RSRC1: variants seen among roughly 807,000 people sequenced by gnomAD.
RSRC1 encodes the protein arginine and serine rich coiled-coil 1, also known as serine/Arginine-related protein 53.
In RSRC1, 39 loss-of-function variants were observed where a neutral mutation model predicts 49.1. The observed-to-expected ratio is 0.79, with a 90% confidence interval of 0.61 to 1.04. RSRC1 has a LOEUF of 1.04. RSRC1 is among the 50% of genes least tolerant of loss of function. The probability of loss-of-function intolerance (pLI) is 0.00; values close to 1 mark genes in which losing one functional copy is unlikely to be tolerated. For missense variants in RSRC1, 388 were observed against 402.4 expected (o/e 0.96, Z 0.31); for synonymous variants, 143 against 130.8 (o/e 1.09, Z -0.63).
intron 6 of RSRC1, among the ~76,000 whole-genome samples, chr3:158,368,142 G>C (rs776195984): frequency 2.0e-5 from 3 of 152,202 alleles, no homozygotes; most frequent in Non-Finnish European, 2.9e-5. Context: ...TTTTGAGAGG[G>C]TGATATGTTT....
chr3:158,146,650 A>C (rs889805020), intron 3 of RSRC1, among the ~76,000 whole-genome samples: 5 of 152,154 alleles, frequency 3.3e-5, no homozygotes, highest in African/African-American at 1.2e-4. Flanking sequence ...TCATAAAATG[A>C]GTTAGGCAGG....
rs148890210 is a variant in RSRC1, at chr3:158,280,925, G to A, written c.495-17114G>A. The stretch of plus-strand genomic sequence containing the variant: ...GCCTCCCAAAGTGCTGGGATTACAG[G>A]CATGAGCCACCGCGCCTGGCCCAAA... On this transcript the variant is annotated intron_variant, in intron 4 of 9. Coordinates refer to ENST00000611884, the MANE Select transcript of RSRC1 (RefSeq NM_001271838.2). Among the ~76,000 whole-genome samples, 1,264 of 152,196 alleles carry A rather than the reference G, an allele frequency of 8.3e-3. 19 individuals carry two copies. Among genetic ancestry groups the A allele is most frequent in the African/African-American group, 0.03 (1,230 of 41,522 alleles).
chr3:158,510,781 G>C (rs1486909578), intron 7 of RSRC1, among the ~76,000 whole-genome samples: 1 of 152,044 alleles, frequency 6.6e-6, no homozygotes, highest in Middle Eastern at 3.2e-3. Flanking sequence ...TGATTATTAA[G>C]TCTTCATATC....
At chr3:158,145,181 G>C (rs374259547) in intron 3 of RSRC1, among the ~76,000 whole-genome samples, 3 of 152,260 alleles carry the variant, frequency 2.0e-5, no homozygotes, top group South Asian at 2.1e-4. Flanking sequence ...ATTGCTTTTG[G>C]TGTTTTAGAC....
chr3:158,477,798 TTATA>T (rs67839411), intron 7 of RSRC1, among the ~76,000 whole-genome samples: 71 of 89,662 alleles, frequency 7.9e-4, no homozygotes, highest in East Asian at 3.1e-3. Flanking sequence ...CGGGAGGGAT[TTATA>T]TATATATATA....
At chr3:158,523,623 C>T (rs988877635) in intron 7 of RSRC1, among the ~76,000 whole-genome samples, 2 of 151,948 alleles carry the variant, frequency 1.3e-5, no homozygotes, top group Non-Finnish European at 2.9e-5. Flanking sequence ...GTCTTTTTTA[C>T]ATTATTAACT....
intron 6 of RSRC1, among the ~76,000 whole-genome samples, chr3:158,421,726 C>A (rs1300090235): frequency 2.0e-5 from 3 of 151,680 alleles, no homozygotes; most frequent in Non-Finnish European, 4.4e-5. Flanking sequence ...GAAATAGAAA[C>A]CATCATGTAC....
chr3:158,163,717 G>A (rs745498462), intron 3 of RSRC1, among the ~76,000 whole-genome samples: 2 of 151,252 alleles, frequency 1.3e-5, no homozygotes, highest in East Asian at 2.0e-4. Context: ...GATAATTATG[G>A]CCAAAATCAA....
intron 6 of RSRC1, among the ~76,000 whole-genome samples, chr3:158,411,511 T>TC (rs1284324014): frequency 5.6e-5 from 2 of 35,750 alleles, no homozygotes; most frequent in African/African-American, 2.9e-4. Flanking sequence ...CTACTTTCTC[T>TC]TTTTTTTTTG....
chr3:158,374,657 G>T (rs563778537), intron 6 of RSRC1, among the ~76,000 whole-genome samples: 36 of 152,176 alleles, frequency 2.4e-4, no homozygotes, highest in African/African-American at 8.4e-4. Flanking sequence ...GTCATCAAAT[G>T]CTATCTGATT....
intron 6 of RSRC1, among the ~76,000 whole-genome samples, chr3:158,364,632 T>TATTTATAAAC (rs1472065929): frequency 6.6e-6 from 1 of 152,028 alleles, no homozygotes; most frequent in Admixed American, 6.6e-5. Flanking sequence ...CTTAGAGCAG[T>TATTTATAAAC]ACCTGATACA....
chr3:158,306,406 G>A (rs1374024865), intron 5 of RSRC1, among the ~76,000 whole-genome samples: 1 of 151,794 alleles, frequency 6.6e-6, no homozygotes, highest in African/African-American at 2.4e-5. Context: ...CTGGAATTCT[G>A]TCAAAATCTG....
intron 5 of RSRC1, among the ~76,000 whole-genome samples, chr3:158,330,981 T>C (rs7621889): frequency 0.33 from 50,133 of 151,692 alleles, 8,424 homozygotes; most frequent in South Asian, 0.41. Context: ...AGCAAAGTCA[T>C]GTCTCACATG....
At chr3:158,173,671 G>T (rs1057248833) in intron 3 of RSRC1, among the ~76,000 whole-genome samples, 1 of 151,878 alleles carries the variant, frequency 6.6e-6, no homozygotes, top group Admixed American at 6.6e-5. Context: ...AATGTTCTCA[G>T]CAGCATTATT....
At chr3:158,293,542 A>G (rs943937224) in intron 4 of RSRC1, among the ~76,000 whole-genome samples, 4 of 152,036 alleles carry the variant, frequency 2.6e-5, no homozygotes, top group Non-Finnish European at 5.9e-5. Context: ...CCAGATGATT[A>G]TGGGTGAACT....
At chr3:158,420,485 G>T (rs1479700393) in intron 6 of RSRC1, among the ~76,000 whole-genome samples, 3 of 151,878 alleles carry the variant, frequency 2.0e-5, no homozygotes, top group Non-Finnish European at 4.4e-5. Flanking sequence ...CTTGGTTCCT[G>T]GACCGGTTCT....
chr3:158,207,109 A>G (rs140976237), intron 4 of RSRC1, among the ~76,000 whole-genome samples: 2 of 152,270 alleles, frequency 1.3e-5, no homozygotes, highest in Non-Finnish European at 2.9e-5. Flanking sequence ...TTCTAATTCA[A>G]ATGGACTGAC....
chr3:158,437,263 T>A (rs1275955800), intron 6 of RSRC1, among the ~76,000 whole-genome samples: 1 of 152,108 alleles, frequency 6.6e-6, no homozygotes, highest in Admixed American at 6.6e-5. Flanking sequence ...TTTTCACCTA[T>A]TATAGCTTAT....
intron 1 of RSRC1, among the ~76,000 whole-genome samples, chr3:158,117,265 A>G (rs564883365): frequency 3.9e-5 from 6 of 152,266 alleles, no homozygotes; most frequent in Admixed American, 2.6e-4. Flanking sequence ...TTTTAGAAAA[A>G]TCATTGTCCC....
Sources: allele counts gnomAD v4.1 joint callset (sites outside exome capture counted in the v4.1 genomes callset), GRCh38; gene constraint gnomAD v4.1.1; transcripts MANE v1.5; gene names NCBI Gene and HGNC (gene_info 2026-07-23, HGNC 2026-07-21).